C9: variants seen among roughly 807,000 people sequenced by gnomAD.
C9 encodes complement component C9.
C9 carries 63 observed loss-of-function variants against 65.4 expected under a neutral mutation model. The observed-to-expected ratio is 0.96, with a 90% CI of 0.79 to 1.19. The LOEUF (loss-of-function observed/expected upper bound fraction) is 1.19. Ranked by LOEUF, C9 falls within the 50% of genes most tolerant of loss-of-function variation. C9 has a pLI of 0.00. For synonymous variants in C9, 229 were observed against 227.9 expected (o/e 1.00, Z -0.04); for missense variants, 744 against 670.1 (o/e 1.11, Z -1.22).
intron 5 of C9, among the ~76,000 whole-genome samples, chr5:39,318,910 G>A (rs1753621063): frequency 6.6e-6 from 1 of 152,128 alleles, no homozygotes; most frequent in South Asian, 2.1e-4. Flanking sequence ...CTTTAATATA[G>A]TCTAAACTAG....
At chr5:39,334,650 A>G (rs1297109922) in intron 4 of C9, among the ~76,000 whole-genome samples, 2 of 150,274 alleles carry the variant, frequency 1.3e-5, no homozygotes, top group Admixed American at 6.6e-5. Context: ...CTGGGAAGTG[A>G]GGAGCCCCTC....
chr5:39,323,748 G>A (rs1490604329), intron 5 of C9, among the ~76,000 whole-genome samples: 2 of 151,930 alleles, frequency 1.3e-5, no homozygotes. Context: ...CTTTTTATCA[G>A]ACGTCAGGAA....
chr5:39,363,594 A>C (rs952826141), intron 1 of C9, among the ~76,000 whole-genome samples: 1 of 152,216 alleles, frequency 6.6e-6, no homozygotes, highest in Non-Finnish European at 1.5e-5. Context: ...TACTCTCCCC[A>C]GAACGGATCA....
intron 1 of C9, among the ~76,000 whole-genome samples, chr5:39,343,959 GATC>G (rs1754140479): frequency 6.6e-6 from 1 of 151,564 alleles, no homozygotes. Context: ...TGCAGCTGAG[GATC>G]ATGACTGCTA....
chr5:39,324,028 C>G (rs1181734395), intron 5 of C9, among the ~76,000 whole-genome samples: 1 of 151,860 alleles, frequency 6.6e-6, no homozygotes, highest in Non-Finnish European at 1.5e-5. Context: ...TAGCTACAAA[C>G]CATCTAAAAA....
intron 10 of C9, among the ~76,000 whole-genome samples, chr5:39,286,843 C>A (rs1376206557): frequency 6.6e-6 from 1 of 151,696 alleles, no homozygotes; most frequent in Non-Finnish European, 1.5e-5. Flanking sequence ...ATTTTGTCAC[C>A]ACATGATTGA....
At chr5:39,315,594 A>C (rs974376649) in intron 6 of C9, among the ~76,000 whole-genome samples, 181 bp downstream of exon 6, 11 of 152,130 alleles carry the variant, frequency 7.2e-5, no homozygotes, top group African/African-American at 2.4e-4. Flanking sequence ...TTCATTTACC[A>C]CTGCCAAAGA....
Position 39,311,161 on chromosome 5 carries a change from C to T in C9, c.1087G>A (p.Asp363Asn). 6.2e-7 allele frequency: 1 copy of T among 1,613,328 alleles called. No homozygotes were observed. The highest frequency in any genetic ancestry group is 8.5e-7 in the Non-Finnish European group (1 of 1,179,344). Residue 363 changes from aspartate (D) to asparagine (N), a missense_variant, in exon 7 of 11, where the codon GAT becomes AAT. Coordinates refer to ENST00000263408, the MANE Select transcript of C9 (RefSeq NM_001737.5). ...GGLYELIYVL[D>N]KASMKRKGVE... Reference sequence around the variant, plus strand: ...CCTTTCCGCTTCATGGAAGCTTTATCCAAAACATATATTAGTTCATAGAGT... The same window carrying T: ...CCTTTCCGCTTCATGGAAGCTTTATTCAAAACATATATTAGTTCATAGAGT...
At chr5:39,359,080 A>G (rs1363690190) in intron 1 of C9, among the ~76,000 whole-genome samples, 17 of 53,560 alleles carry the variant, frequency 3.2e-4, no homozygotes, top group South Asian at 7.4e-4. Flanking sequence ...ATGTGTGTGT[A>G]TATATATATG....
chr5:39,304,194 T>C (rs1488184399), intron 9 of C9, among the ~76,000 whole-genome samples: 1 of 152,138 alleles, frequency 6.6e-6, no homozygotes, highest in African/African-American at 2.4e-5. Context: ...AACCTATTGA[T>C]AATATTAAGT....
At chr5:39,301,284 T>C (rs1234640289) in intron 9 of C9, among the ~76,000 whole-genome samples, 1 of 151,970 alleles carries the variant, frequency 6.6e-6, no homozygotes, top group Non-Finnish European at 1.5e-5. Flanking sequence ...TCATAAAAAG[T>C]GTCAAGGTTG....
Position 39,341,708 on chromosome 5 carries a change from A to G in C9, c.184-8T>C, listed in dbSNP as rs1350315607. On this transcript the variant is annotated splice_polypyrimidine_tract_variant and splice_region_variant and intron_variant, in intron 2 of 10. Transcript: ENST00000263408. ...AATGCTTCTTGAACGAAACTGCACAATATCAGTTGGAATGATTAGAATTTC... is the reference window on the plus strand; with the variant it reads ...AATGCTTCTTGAACGAAACTGCACAGTATCAGTTGGAATGATTAGAATTTC... 2.5e-6 allele frequency: 4 copies of G among 1,613,674 alleles called. No homozygotes were observed. The highest frequency in any genetic ancestry group is 2.7e-5 in the African/African-American group (2 of 74,914).
intron 4 of C9, 110 bp from the exon 5 acceptor site, chr5:39,331,924 AAT>A: frequency 1.1e-6 from 1 of 900,894 alleles, no homozygotes; most frequent in Non-Finnish European, 1.9e-6. Context: ...ACCGTCACCC[AAT>A]ATGTGTGTGC....
At chr5:39,332,924 C>A (rs1299676603) in intron 4 of C9, among the ~76,000 whole-genome samples, 2 of 152,118 alleles carry the variant, frequency 1.3e-5, no homozygotes, top group Non-Finnish European at 2.9e-5. Context: ...CTACGAAGTT[C>A]CAAAGTGAAT....
rs3836793 is a variant in C9, at chr5:39,355,461, GT to G, written c.77+8926del. 2.7e-5 allele frequency among the ~76,000 whole-genome samples: 4 copies of G among 150,828 alleles called. No individual in the cohort carries two copies. The East Asian group carries it at 7.8e-4, about 29-fold the overall frequency. On this transcript the variant is annotated intron_variant, in intron 1 of 10. Coordinates refer to ENST00000263408, the MANE Select transcript of C9 (RefSeq NM_001737.5). ...GCTTCTAACCCAAGGACTCCTTTTT[GT>G]TTTTTTTTATTAAAAGTATGACTCA...
At chr5:39,359,441 A>T (rs1278110193) in intron 1 of C9, among the ~76,000 whole-genome samples, 2 of 152,020 alleles carry the variant, frequency 1.3e-5, no homozygotes, top group African/African-American at 4.8e-5. Context: ...ATGTCGGCGT[A>T]TAAGTGGCGT....
intron 1 of C9, among the ~76,000 whole-genome samples, chr5:39,356,963 C>T (rs771119001): frequency 5.3e-5 from 8 of 152,172 alleles, no homozygotes; most frequent in East Asian, 3.8e-4. Context: ...TCAAATAAAA[C>T]GTATCTCCAA....
chr5:39,363,235 A>G (rs1363320006), intron 1 of C9, among the ~76,000 whole-genome samples: 1 of 152,188 alleles, frequency 6.6e-6, no homozygotes, highest in African/African-American at 2.4e-5. Context: ...TGCTTTACAG[A>G]TAATATGGAA....
intron 5 of C9, among the ~76,000 whole-genome samples, chr5:39,318,324 C>G (rs1404792867): frequency 6.6e-6 from 1 of 152,128 alleles, no homozygotes; most frequent in Non-Finnish European, 1.5e-5. Context: ...TTGACTTTCT[C>G]TCTTCGTATT....
Sources: allele counts gnomAD v4.1 joint callset (sites outside exome capture counted in the v4.1 genomes callset), GRCh38; gene constraint gnomAD v4.1.1; transcripts MANE v1.5; gene names NCBI Gene and HGNC (gene_info 2026-07-23, HGNC 2026-07-21).